MYO18A: variants seen among roughly 807,000 people sequenced by gnomAD.
The protein encoded by MYO18A is unconventional myosin-XVIIIa.
Under a neutral mutation model 235.8 loss-of-function variants are expected in MYO18A, and 78 were observed. That is an observed-to-expected ratio of 0.33 (90% CI 0.28 to 0.40). MYO18A has a LOEUF of 0.40. Ranked by LOEUF, MYO18A falls within the 10% of genes least tolerant of loss-of-function variation. MYO18A has a pLI of 1.00. For synonymous variants in MYO18A, 977 were observed against 1,077.8 expected (o/e 0.91, Z 1.83); for missense variants, 2,215 against 2,699.3 (o/e 0.82, Z 3.98).
At position 29,110,082 on chromosome 17, in the gene MYO18A, A is replaced by G; in HGVS notation, c.3107T>C (p.Ile1036Thr). The G allele has an allele frequency of 3.7e-6, 6 of 1,611,480 alleles. No homozygotes were observed. The highest frequency in any genetic ancestry group is 5.1e-6 in the Non-Finnish European group (6 of 1,179,650). ...KLQVDALIDT[I>T]KKSKLHFVHC... ...CACAAAATGCAGCTTTGACTTCTTG[A>G]TGGTGTCGATGAGGGCGTCCTGCCG... The change falls in exon 19 of 42, where the codon ATC becomes ACC. Residue 1036 changes from isoleucine to threonine, a missense_variant. Coordinates refer to ENST00000527372, the MANE Select transcript of MYO18A (RefSeq NM_078471.4).
Position 29,118,273 on chromosome 17 carries a change from G to A in MYO18A, c.1894-84C>T, listed in dbSNP as rs2091383202. The A allele has an allele frequency of 6.4e-6, 10 of 1,552,034 alleles. No individual in the cohort carries two copies. The highest frequency in any genetic ancestry group is 1.2e-5 in the South Asian group (1 of 84,496). On this transcript the variant is annotated intron_variant, in intron 9 of 41. Coordinates refer to ENST00000527372, the MANE Select transcript of MYO18A (RefSeq NM_078471.4). The surrounding 1 kb of genome is among the most constrained non-coding windows in gnomAD (Gnocchi z 4.2). Reference sequence around the variant, plus strand: ...GCCCTCAGGGCAAGGCTTGGGTAGAGCCAGCAGCTGGAGCTGGGCTCCCAC... The same window carrying A: ...GCCCTCAGGGCAAGGCTTGGGTAGAACCAGCAGCTGGAGCTGGGCTCCCAC...
intron 34 of MYO18A, chr17:29,091,364 T>C: frequency 3.0e-6 from 1 of 336,706 alleles, no homozygotes; most frequent in Non-Finnish European, 5.8e-6. Context: ...GCCCACTCCC[T>C]GGGCATCCAG....
chr17:29,092,943 TTGG>T lies in MYO18A; in HGVS notation c.4982_4984del (p.Thr1661del). ...GAGCTGGGCATCTGCCAGCAGGGCC[TTGG>T]TGCGCTTCAGGTCCTTCCGCAGCCG... On this transcript the variant is annotated inframe_deletion, in exon 33 of 42. Transcript: ENST00000527372. The T allele has an allele frequency of 6.2e-7, 1 of 1,613,896 alleles. No individual in the cohort carries two copies. Among genetic ancestry groups the T allele is most frequent in the Non-Finnish European group, 8.5e-7 (1 of 1,179,846 alleles).
At position 29,166,086 on chromosome 17, in the gene MYO18A, C is replaced by T. The variant is rs997340796; in HGVS notation, c.855G>A (p.Glu285=). The T allele has an allele frequency of 1.9e-6, 3 of 1,613,696 alleles. No individual in the cohort carries two copies. Among genetic ancestry groups the T allele is most frequent in the South Asian group, 2.2e-5 (2 of 91,086 alleles). The change falls in exon 2 of 42, where the codon GAG becomes GAA. Residue 285 remains glutamate, a synonymous_variant. Transcript: ENST00000527372. ...CCACAATCTCATCCCTGGACTTGCT[C>T]TCCACATTGTGCCCATTAATCTCCA... The part of the protein sequence containing the change: ...RLVEINGHNV[E]SKSRDEIVEM...
At chr17:29,131,508 GGAGA>G in intron 2 of MYO18A, 1 of 857,504 alleles carries the variant, frequency 1.2e-6, no homozygotes, top group Non-Finnish European at 1.4e-6. Flanking sequence ...AAAAGCACAG[GGAGA>G]GAACATTCAA....
At chr17:29,169,184 G>A (rs2068345328) in intron 1 of MYO18A, among the ~76,000 whole-genome samples, 2 of 151,956 alleles carry the variant, frequency 1.3e-5, no homozygotes, top group Non-Finnish European at 2.9e-5. Context: ...CCAAGTAGCT[G>A]GGACTACAGG....
intron 1 of MYO18A, among the ~76,000 whole-genome samples, chr17:29,173,826 T>C (rs1271372234): frequency 6.6e-6 from 1 of 152,240 alleles, no homozygotes; most frequent in African/African-American, 2.4e-5. Flanking sequence ...GGCTGGAGTT[T>C]GGTGGCTCAA....
At chr17:29,115,188 G>T in intron 13 of MYO18A, 89 bp from the exon 14 acceptor site, 1 of 1,462,982 alleles carries the variant, frequency 6.8e-7, no homozygotes, top group Non-Finnish European at 9.3e-7. Flanking sequence ...CTCTATCCCT[G>T]CCCAGGACCC....
chr17:29,118,356 C>G lies in MYO18A; in HGVS notation c.1893+21G>C. On this transcript the variant is annotated intron_variant, in intron 9 of 41. Transcript: ENST00000527372. The surrounding 1 kb of genome is among the most constrained non-coding windows in gnomAD (Gnocchi z 4.2). ...CCCCCAAGGCCCAGGGCTGGCAACC[C>G]AGACCCCACAGACCCCTCACCTTGG... The G allele has an allele frequency of 1.9e-6, 3 of 1,597,534 alleles. No homozygotes were observed. The highest frequency in any genetic ancestry group is 2.6e-6 in the Non-Finnish European group (3 of 1,167,478).
Position 29,158,360 on chromosome 17 carries a change from C to T in MYO18A, c.999+7582G>A, listed in dbSNP as rs1231014550. ...AAATAGTTTCCCAACCAAACTAGAG[C>T]CCACAACTGAAAAAATAAGCTTTGC... On this transcript the variant is annotated intron_variant, in intron 2 of 41. Transcript: ENST00000527372. The surrounding 1 kb of genome is among the most constrained non-coding windows in gnomAD (Gnocchi z 4.3). Among the ~76,000 whole-genome samples, 1 of 152,128 alleles carries T rather than the reference C, an allele frequency of 6.6e-6. No individual in the cohort carries two copies. Among genetic ancestry groups the T allele is most frequent in the African/African-American group, 2.4e-5 (1 of 41,430 alleles).
At chr17:29,093,902 A>C (rs563146988) in intron 31 of MYO18A, 78 bp downstream of exon 31, 12 of 1,001,928 alleles carry the variant, frequency 1.2e-5, no homozygotes, top group Admixed American at 8.6e-5. Context: ...TGAGGTAGGG[A>C]GGTGGAAAGC....
intron 37 of MYO18A, among the ~76,000 whole-genome samples, chr17:29,089,045 C>CAA (rs34652243): frequency 1.2e-3 from 125 of 103,348 alleles, no homozygotes; most frequent in African/African-American, 2.0e-3. Context: ...GACCCTATCT[C>CAA]AAAAAAAAAA....
chr17:29,133,953 G>A, intron 2 of MYO18A: 1 of 850,196 alleles, frequency 1.2e-6, no homozygotes, highest in African/African-American at 1.8e-5. Context: ...TGGGCAACAA[G>A]GGGAAAGGAG....
intron 2 of MYO18A, among the ~76,000 whole-genome samples, chr17:29,134,090 A>C (rs2067537799): frequency 6.6e-6 from 1 of 152,090 alleles, no homozygotes; most frequent in Non-Finnish European, 1.5e-5. Context: ...AGCTGTGTGC[A>C]TTGTTTTTAT....
chr17:29,075,096 C>G (rs1487113445), intron 41 of MYO18A, 182 bp from the exon 42 acceptor site: 3 of 661,752 alleles, frequency 4.5e-6, no homozygotes, highest in Non-Finnish European at 7.6e-6. Context: ...GAAGGAGACT[C>G]TGGAAGCTTT....
rs1276913435 is a variant in MYO18A, at chr17:29,113,935, G to A, written c.2598+76C>T. Reference sequence around the variant, plus strand: ...TGGCACCCCCAGCAGCAGCTCAGATGGGGAGGGCTCCACCACGGGGAGAGG... The same window carrying A: ...TGGCACCCCCAGCAGCAGCTCAGATAGGGAGGGCTCCACCACGGGGAGAGG... On this transcript the variant is annotated intron_variant, in intron 15 of 41. Transcript: ENST00000527372. 7 of 1,220,088 alleles carry A rather than the reference G, an allele frequency of 5.7e-6. No homozygotes were observed. The East Asian group carries it at 1.5e-4, about 27-fold the overall frequency. The allele number at this position is 1,220,088 out of a possible 1,614,324, so 75.6% of individuals were successfully genotyped here. A position where few individuals can be genotyped will look rare whatever the true frequency, so the allele number is the denominator to read the frequency against.
intron 2 of MYO18A, among the ~76,000 whole-genome samples, chr17:29,157,010 C>T (rs191288634): frequency 1.3e-3 from 192 of 152,332 alleles, no homozygotes; most frequent in African/African-American, 4.4e-3. Flanking sequence ...CTGAGCAACA[C>T]GGCGAGCCCA....
At chr17:29,167,096 A>C in intron 1 of MYO18A, 75 bp from the exon 2 acceptor site, 1 of 1,014,670 alleles carries the variant, frequency 9.9e-7, no homozygotes, top group Non-Finnish European at 1.4e-6. Flanking sequence ...ACATAACCAA[A>C]TGATACAGCT....
chr17:29,109,578 T>C lies in MYO18A; in HGVS notation c.3331+280A>G, dbSNP rs2066877147. Among the ~76,000 whole-genome samples, 1 of 152,010 alleles carries C rather than the reference T, an allele frequency of 6.6e-6. No homozygotes were observed. The highest frequency in any genetic ancestry group is 2.4e-5 in the African/African-American group (1 of 41,388). On this transcript the variant is annotated intron_variant, in intron 19 of 41. Coordinates refer to ENST00000527372, the MANE Select transcript of MYO18A (RefSeq NM_078471.4). This position sits in a 1 kb window ranked among gnomAD's most constrained non-coding sequence, Gnocchi z 4.1. ...CTAGGGACGTGGGAAGAAAGGGAGCTGTGGACAAATGACAAGGTGCAGGGT... is the reference window on the plus strand; with the variant it reads ...CTAGGGACGTGGGAAGAAAGGGAGCCGTGGACAAATGACAAGGTGCAGGGT...
Sources: allele counts gnomAD v4.1 joint callset (sites outside exome capture counted in the v4.1 genomes callset), GRCh38; gene constraint gnomAD v4.1.1; non-coding constraint Gnocchi (gnomAD v3.1); transcripts MANE v1.5; gene names NCBI Gene and HGNC (gene_info 2026-07-23, HGNC 2026-07-21).